Variants in LPGAT1 observed in about 807,000 individuals in gnomAD.
LPGAT1 encodes the protein lysophosphatidylglycerol acyltransferase 1, also known as acyl-CoA:lysophosphatidylglycerol acyltransferase 1.
In LPGAT1, 11 loss-of-function variants were observed where a neutral mutation model predicts 47.5. The ratio of observed to expected loss-of-function variants is 0.23; its 90% CI spans 0.15 to 0.38. LPGAT1 has a LOEUF of 0.38. Among genes scored for constraint, LPGAT1 ranks in the 10% least tolerant of loss-of-function variants. LPGAT1 has a pLI of 1.00. For synonymous variants in LPGAT1, 138 were observed against 144.2 expected, an observed-to-expected ratio of 0.96 and a Z score of 0.31; for missense variants, 293 against 439.0, an observed-to-expected ratio of 0.67 and a Z score of 2.97.
chr1:211,825,087 C>T (rs1332219667), intron 2 of LPGAT1, among the ~76,000 whole-genome samples: 1 of 152,018 alleles, frequency 6.6e-6, no homozygotes, highest in Non-Finnish European at 1.5e-5. Context: ...TCCCTTCCAG[C>T]CAGACTTTGG....
intron 6 of LPGAT1, among the ~76,000 whole-genome samples, chr1:211,769,460 G>T (rs1658072389): frequency 6.6e-6 from 1 of 152,082 alleles, no homozygotes; most frequent in Admixed American, 6.5e-5. Context: ...TGGGAAAGGG[G>T]TCCTGATCCA....
intron 3 of LPGAT1, among the ~76,000 whole-genome samples, chr1:211,791,746 C>CA (rs1195989474): frequency 8.2e-4 from 30 of 36,396 alleles, no homozygotes; most frequent in Non-Finnish European, 1.6e-3. Context: ...GACTCCATCT[C>CA]AAAAAAAAAA....
rs1449811505 is a variant in LPGAT1 at position 211,762,025 on chromosome 1, CTTG to C, written c.855-10961_855-10959del. On this transcript the variant is annotated intron_variant, in intron 6 of 7. Coordinates refer to ENST00000366997, the MANE Select transcript of LPGAT1 (RefSeq NM_014873.3). ...GTACTCTTTGTAAGACAGATAAAAA[CTTG>C]TTGACTCACATCAGATAATACTTGC... is the stretch of plus-strand genomic sequence containing the variant. 3.3e-5 allele frequency among the ~76,000 whole-genome samples: 5 copies of C among 152,294 alleles called. No individual in the cohort carries two copies. The East Asian group carries it at 9.6e-4, about 29-fold the overall frequency.
At chr1:211,760,389 A>T (rs1657645726) in intron 6 of LPGAT1, among the ~76,000 whole-genome samples, 1 of 152,238 alleles carries the variant, frequency 6.6e-6, no homozygotes, top group South Asian at 2.1e-4. Flanking sequence ...TGGGAGGCAG[A>T]GGTTGCGGTG....
intron 6 of LPGAT1, among the ~76,000 whole-genome samples, chr1:211,760,828 A>G (rs1005844494): frequency 1.3e-5 from 2 of 152,196 alleles, no homozygotes; most frequent in Admixed American, 1.3e-4. Context: ...CAGGAAATCT[A>G]ATTGTTTCTT....
chr1:211,794,901 C>A (rs1659284870), intron 2 of LPGAT1, among the ~76,000 whole-genome samples: 1 of 152,150 alleles, frequency 6.6e-6, no homozygotes, highest in African/African-American at 2.4e-5. Flanking sequence ...AGAAATGCAT[C>A]CTACAGATAT....
intron 2 of LPGAT1, among the ~76,000 whole-genome samples, chr1:211,823,576 T>C (rs1660436784): frequency 6.6e-6 from 1 of 152,144 alleles, no homozygotes; most frequent in South Asian, 2.1e-4. Context: ...GATTACGTCT[T>C]GTGCCTATCA....
chr1:211,802,453 A>G (rs1000796881), intron 2 of LPGAT1, among the ~76,000 whole-genome samples: 1 of 152,084 alleles, frequency 6.6e-6, no homozygotes, highest in Admixed American at 6.5e-5. Flanking sequence ...ACTTCAAGAG[A>G]CCAGCATTAA....
At chr1:211,810,203 A>G (rs766678517) in intron 2 of LPGAT1, among the ~76,000 whole-genome samples, 30 of 152,168 alleles carry the variant, frequency 2.0e-4, no homozygotes, top group Non-Finnish European at 3.1e-4. Flanking sequence ...GCACTAATTG[A>G]TATGTTCATT....
At position 211,829,045 on chromosome 1, in the gene LPGAT1, G is replaced by A; in HGVS notation, c.238+14C>T. 6.2e-7 allele frequency: 1 copy of A among 1,611,210 alleles called. No homozygotes were observed. Among genetic ancestry groups the A allele is most frequent in the Middle Eastern group, 1.7e-4 (1 of 6,040 alleles). Reference sequence around the variant, plus strand: ...TTTTTCTTATGCATTAAAGAAAAGTGTTCTCACTCTTACCTGTATATCCAG... The same window carrying A: ...TTTTTCTTATGCATTAAAGAAAAGTATTCTCACTCTTACCTGTATATCCAG... On this transcript the variant is annotated intron_variant, in intron 2 of 7. Coordinates refer to ENST00000366997, the MANE Select transcript of LPGAT1 (RefSeq NM_014873.3).
chr1:211,812,712 GTCCTTGT>G (rs1660029689), intron 2 of LPGAT1, among the ~76,000 whole-genome samples: 3 of 152,192 alleles, frequency 2.0e-5, no homozygotes, highest in Non-Finnish European at 4.4e-5. Flanking sequence ...AACGACTCGA[GTCCTTGT>G]GTAACAGAGA....
chr1:211,792,561 T>G (rs958210830), intron 3 of LPGAT1, among the ~76,000 whole-genome samples: 2 of 151,910 alleles, frequency 1.3e-5, no homozygotes, highest in Non-Finnish European at 2.9e-5. Flanking sequence ...TCCCAGTTTT[T>G]TTTTTTTTTT....
At chr1:211,787,760 A>G (rs760261729) in intron 3 of LPGAT1, 33 bp from the exon 4 acceptor site, 65 of 1,394,498 alleles carry the variant, frequency 4.7e-5, no homozygotes, top group South Asian at 3.2e-4. Context: ...ATAATATTGG[A>G]TAGAAGAAAC....
At chr1:211,752,319 C>T (rs1179937894) in intron 6 of LPGAT1, among the ~76,000 whole-genome samples, 1 of 152,148 alleles carries the variant, frequency 6.6e-6, no homozygotes, top group East Asian at 1.9e-4. Context: ...AAATATTCTA[C>T]GCTTTGCAGG....
intron 6 of LPGAT1, among the ~76,000 whole-genome samples, chr1:211,768,631 A>G (rs868090775): frequency 2.0e-5 from 3 of 152,234 alleles, no homozygotes; most frequent in South Asian, 2.1e-4. Flanking sequence ...GTCAAAACAC[A>G]TATCTCTATC....
intron 6 of LPGAT1, among the ~76,000 whole-genome samples, chr1:211,762,611 A>G (rs913532476): frequency 2.0e-5 from 3 of 152,236 alleles, no homozygotes; most frequent in African/African-American, 7.2e-5. Context: ...AAGTAAATAC[A>G]TATACACCAG....
In LPGAT1 at chr1:211,830,737, A is replaced by C. The variant is rs964296110; in HGVS notation, c.-192T>G. The C allele has an allele frequency of 1.4e-5, 16 of 1,168,426 alleles. No individual in the cohort carries two copies. The highest frequency in any genetic ancestry group is 1.7e-5 in the Non-Finnish European group (16 of 947,670). 72.4% of individuals were successfully genotyped at this position (1,168,426 alleles called of 1,614,324 possible). A position where few individuals can be genotyped will look rare whatever the true frequency, so the allele number is the denominator to read the frequency against. On this transcript the variant is annotated 5_prime_UTR_variant, in exon 1 of 8. Transcript: ENST00000366997. The surrounding 1 kb of genome is among the most constrained non-coding windows in gnomAD (Gnocchi z 5.9). ...CCGGCGGCGCCGAGACTCGGTCCCC[A>C]AGGGCCCGGCCGCGTTCGCCCGGAC... is the stretch of plus-strand genomic sequence containing the variant.
At position 211,830,488 on chromosome 1, in the gene LPGAT1, G is replaced by T; in HGVS notation, c.-28+85C>A. The stretch of plus-strand genomic sequence containing the variant: ...CCGCCTCCCCGGGCCACGCGACGAC[G>T]ACACCCCCTTCCCCGCCCCCAGCGC... On this transcript the variant is annotated intron_variant, in intron 1 of 7. Coordinates refer to ENST00000366997, the MANE Select transcript of LPGAT1 (RefSeq NM_014873.3). The surrounding 1 kb of genome is among the most constrained non-coding windows in gnomAD (Gnocchi z 5.9). 3 of 1,187,870 alleles carry T rather than the reference G, an allele frequency of 2.5e-6. No homozygotes were observed. The highest frequency in any genetic ancestry group is 2.1e-6 in the Non-Finnish European group (2 of 958,002). The allele number at this position is 1,187,870 out of a possible 1,614,324, so 73.6% of individuals were successfully genotyped here. A position where few individuals can be genotyped will look rare whatever the true frequency, so the allele number is the denominator to read the frequency against.
chr1:211,779,677 C>T (rs1027810030), intron 5 of LPGAT1, among the ~76,000 whole-genome samples: 1 of 151,722 alleles, frequency 6.6e-6, no homozygotes, highest in African/African-American at 2.4e-5. Flanking sequence ...GTGGTGAAAC[C>T]CCATCTCTAC....
Sources: allele counts gnomAD v4.1 joint callset (sites outside exome capture counted in the v4.1 genomes callset), GRCh38; gene constraint gnomAD v4.1.1; non-coding constraint Gnocchi (gnomAD v3.1); transcripts MANE v1.5; gene names NCBI Gene and HGNC (gene_info 2026-07-23, HGNC 2026-07-21).